CERS6: variants seen among roughly 807,000 people sequenced by gnomAD.
The protein encoded by CERS6 is LAG1 homolog, ceramide synthase 6.
In CERS6, 26 loss-of-function variants were observed where a neutral mutation model predicts 56.8. That is an observed-to-expected ratio of 0.46 (90% confidence interval 0.34 to 0.63). The LOEUF (loss-of-function observed/expected upper bound fraction) is 0.63. Among genes scored for constraint, CERS6 ranks in the 30% least tolerant of loss-of-function variants. The pLI is 0.01. For synonymous variants in CERS6, 164 were observed against 173.3 expected (o/e 0.95, Z 0.42); for missense variants, 415 against 467.5 (o/e 0.89, Z 1.04).
At chr2:168,606,950 T>C (rs1309414587) in intron 3 of CERS6, among the ~76,000 whole-genome samples, 1 of 152,232 alleles carries the variant, frequency 6.6e-6, no homozygotes, top group Non-Finnish European at 1.5e-5. Context: ...CTGGCATGAT[T>C]GTAAGTTTCC....
At chr2:168,537,308 T>C (rs1695282331) in intron 1 of CERS6, among the ~76,000 whole-genome samples, 1 of 152,234 alleles carries the variant, frequency 6.6e-6, no homozygotes, top group Admixed American at 6.5e-5. Flanking sequence ...CGTGAAAATC[T>C]TTACATCTGT....
chr2:168,703,504 G>A (rs1263902724), intron 6 of CERS6, among the ~76,000 whole-genome samples: 1 of 152,122 alleles, frequency 6.6e-6, no homozygotes, highest in Non-Finnish European at 1.5e-5. Context: ...ATTGCAGTGA[G>A]CCAAGATCAC....
chr2:168,632,968 G>A (rs74347024), intron 4 of CERS6, among the ~76,000 whole-genome samples: 2,623 of 152,176 alleles, frequency 0.017, 105 homozygotes, highest in East Asian at 0.16. Flanking sequence ...ACACTTTGAC[G>A]CTTAGCTCTG....
intron 8 of CERS6, among the ~76,000 whole-genome samples, chr2:168,745,303 A>G (rs568888163): frequency 2.6e-4 from 40 of 151,630 alleles, no homozygotes; most frequent in Non-Finnish European, 3.7e-4. Flanking sequence ...GTGCAGTGGC[A>G]CAGTCTCGGC....
chr2:168,729,090 G>C (rs1431980389), intron 8 of CERS6, among the ~76,000 whole-genome samples: 1 of 151,164 alleles, frequency 6.6e-6, no homozygotes, highest in Non-Finnish European at 1.5e-5. Flanking sequence ...TTCCTTCCCA[G>C]TCCCTGCAGA....
chr2:168,729,696 A>G (rs534176104), intron 8 of CERS6, among the ~76,000 whole-genome samples: 37 of 152,336 alleles, frequency 2.4e-4, no homozygotes, highest in African/African-American at 8.9e-4. Flanking sequence ...CAGTGTTGCC[A>G]AGGAGACGGA....
chr2:168,736,405 C>T (rs1227365452), intron 8 of CERS6, among the ~76,000 whole-genome samples: 1 of 152,132 alleles, frequency 6.6e-6, no homozygotes, highest in African/African-American at 2.4e-5. Flanking sequence ...TAGCTCACTG[C>T]AGCCTCAAAC....
rs952619954 is a variant in CERS6 at position 168,751,474 on chromosome 2, A to G, written c.846-14118A>G. ...GTTTATCCTTCTCTCTCACTGCTCCACACTTCTCTGGAGTACTTGTTTCCA... is the reference window on the plus strand; with the variant it reads ...GTTTATCCTTCTCTCTCACTGCTCCGCACTTCTCTGGAGTACTTGTTTCCA... On this transcript the variant is annotated intron_variant, in intron 8 of 9. Coordinates refer to ENST00000305747, the MANE Select transcript of CERS6 (RefSeq NM_203463.3). 1.3e-5 allele frequency among the ~76,000 whole-genome samples: 2 copies of G among 152,086 alleles called. 1 individual carries two copies. Among genetic ancestry groups the G allele is most frequent in the African/African-American group, 4.8e-5 (2 of 41,394 alleles).
chr2:168,499,614 G>A (rs1324189719), intron 1 of CERS6, among the ~76,000 whole-genome samples: 7 of 152,126 alleles, frequency 4.6e-5, no homozygotes, highest in Non-Finnish European at 7.3e-5. Flanking sequence ...GTTGATGTCC[G>A]TACAACAGGT....
chr2:168,751,501 G>A (rs1684266793), intron 8 of CERS6, among the ~76,000 whole-genome samples: 1 of 152,042 alleles, frequency 6.6e-6, no homozygotes, highest in East Asian at 1.9e-4. Context: ...TTGTTTCCAT[G>A]GACTATAATA....
chr2:168,580,419 C>T (rs532042830), intron 3 of CERS6, among the ~76,000 whole-genome samples: 2 of 152,150 alleles, frequency 1.3e-5, no homozygotes, highest in African/African-American at 4.8e-5. Context: ...TTATCAAAAT[C>T]CAATGTTGAC....
At chr2:168,551,117 G>A (rs1695562986) in intron 2 of CERS6, among the ~76,000 whole-genome samples, 1 of 152,158 alleles carries the variant, frequency 6.6e-6, no homozygotes, top group Non-Finnish European at 1.5e-5. Context: ...GTGACTGCAG[G>A]GTTTCCAACC....
intron 3 of CERS6, among the ~76,000 whole-genome samples, chr2:168,581,941 G>A (rs1683423144): frequency 6.6e-6 from 1 of 152,160 alleles, no homozygotes; most frequent in South Asian, 2.1e-4. Flanking sequence ...CCCCAGCCCA[G>A]GATCACCCCA....
At chr2:168,548,136 A>G (rs951025425) in intron 2 of CERS6, among the ~76,000 whole-genome samples, 2 of 152,222 alleles carry the variant, frequency 1.3e-5, no homozygotes, top group Non-Finnish European at 2.9e-5. Context: ...TGATAAGTAG[A>G]CAAATGTAAA....
At chr2:168,739,010 C>G (rs535059239) in intron 8 of CERS6, among the ~76,000 whole-genome samples, 1 of 151,122 alleles carries the variant, frequency 6.6e-6, no homozygotes, top group African/African-American at 2.4e-5. Context: ...CTCAGCCTCC[C>G]GAGTACCTGG....
chr2:168,510,980 A>G (rs1268191457), intron 1 of CERS6, among the ~76,000 whole-genome samples: 2 of 152,200 alleles, frequency 1.3e-5, no homozygotes, highest in South Asian at 2.1e-4. Context: ...TGGGATTTGA[A>G]CCTGTCTTGT....
chr2:168,574,370 TTGTGTGTGTGTGTGTGTGTG>T (rs59913751), intron 3 of CERS6, among the ~76,000 whole-genome samples: 114,612 of 148,774 alleles, frequency 0.77, 45,462 homozygotes, highest in South Asian at 0.92. Flanking sequence ...TCAATAAGTT[TTGTGTGTGTGTGTGTGTGTG>T]TGTGTGTGTG....
intron 1 of CERS6, among the ~76,000 whole-genome samples, chr2:168,509,176 C>G (rs1694733353): frequency 6.6e-6 from 1 of 152,110 alleles, no homozygotes; most frequent in African/African-American, 2.4e-5. Context: ...CTGATTTGAC[C>G]AAATACTCCA....
intron 4 of CERS6, among the ~76,000 whole-genome samples, chr2:168,668,510 A>G (rs919913693): frequency 6.8e-6 from 1 of 147,044 alleles, no homozygotes; most frequent in Non-Finnish European, 1.5e-5. Context: ...TCAGTGGCAT[A>G]ATCTGTACTC....
Sources: gnomAD v4.1 joint callset for allele counts (sites outside exome capture counted in the v4.1 genomes callset) on GRCh38, gnomAD v4.1.1 for gene constraint, MANE v1.5 for transcripts, NCBI Gene and HGNC (gene_info 2026-07-23, HGNC 2026-07-21) for gene names.